The following PBLD variants were observed in gnomAD, a reference collection of about 807,000 sequenced individuals.
The protein encoded by PBLD is phenazine biosynthesis-like domain-containing protein.
A neutral mutation model predicts 31.3 loss-of-function variants in PBLD; 26 were observed. The ratio of observed to expected loss-of-function variants is 0.83; its 90% CI spans 0.61 to 1.15. PBLD has a LOEUF of 1.15. Among genes scored for constraint, PBLD ranks in the 50% most tolerant of loss-of-function variants. The pLI is 0.00. For synonymous variants in PBLD, 114 were observed against 129.0 expected, an observed-to-expected ratio of 0.88 and a Z score of 0.79; for missense variants, 307 against 351.7, an observed-to-expected ratio of 0.87 and a Z score of 1.02.
At chr10:68,294,720 C>T (rs1358501276) in intron 4 of PBLD, among the ~76,000 whole-genome samples, 1 of 152,148 alleles carries the variant, frequency 6.6e-6, no homozygotes, top group Non-Finnish European at 1.5e-5. Flanking sequence ...TCTATTCAAT[C>T]CTACTTTCTT....
intron 1 of PBLD, among the ~76,000 whole-genome samples, chr10:68,318,694 T>A: frequency 6.6e-6 from 1 of 152,140 alleles, no homozygotes; most frequent in Non-Finnish European, 1.5e-5. Flanking sequence ...TTTCTGTTAA[T>A]CTAAACTAGA....
Position 68,288,840 on chromosome 10 carries a change from TTGAC to T in PBLD, c.512+87_512+90del, listed in dbSNP as rs2044320476. On this transcript the variant is annotated intron_variant, in intron 7 of 9. Coordinates refer to ENST00000358769, the MANE Select transcript of PBLD (RefSeq NM_022129.4). ...ACACTCTGGCTGCGTAAATCATGGT[TTGAC>T]TGGACACAGCACAGCCAGACTAAGG... 8 of 1,367,382 alleles carry T rather than the reference TTGAC, an allele frequency of 5.9e-6. No individual in the cohort carries two copies. The Admixed American group carries it at 1.1e-4, about 18-fold the overall frequency. The allele number at this position is 1,367,382 out of a possible 1,614,324, so 84.7% of individuals were successfully genotyped here. A position where few individuals can be genotyped will look rare whatever the true frequency, so the allele number is the denominator to read the frequency against.
chr10:68,292,118 A>G lies in PBLD; in HGVS notation c.393+11T>C, dbSNP rs767856291. The G allele has an allele frequency of 1.2e-6, 2 of 1,610,440 alleles. No homozygotes were observed. Among genetic ancestry groups the G allele is most frequent in the East Asian group, 2.2e-5 (1 of 44,840 alleles). On this transcript the variant is annotated intron_variant, in intron 5 of 9. Coordinates refer to ENST00000358769, the MANE Select transcript of PBLD (RefSeq NM_022129.4). Reference sequence around the variant, plus strand: ...GTAGATGGCTTAGGGCAATAATTACAAAGAGCTGACCTGGGGGTGGGCTGG... The same window carrying G: ...GTAGATGGCTTAGGGCAATAATTACGAAGAGCTGACCTGGGGGTGGGCTGG...
At chr10:68,324,144 G>C (rs555461277) in intron 1 of PBLD, among the ~76,000 whole-genome samples, 2 of 150,718 alleles carry the variant, frequency 1.3e-5, no homozygotes, top group African/African-American at 4.9e-5. Context: ...CTGATAAATA[G>C]CTCCTAATTT....
intron 1 of PBLD, among the ~76,000 whole-genome samples, chr10:68,326,883 C>G (rs536454180): frequency 1.3e-5 from 2 of 152,212 alleles, no homozygotes; most frequent in Admixed American, 6.5e-5. Flanking sequence ...CCCATCTCTA[C>G]CAAAAACACA....
At chr10:68,309,541 G>A (rs1460139800) in intron 1 of PBLD, among the ~76,000 whole-genome samples, 2 of 149,744 alleles carry the variant, frequency 1.3e-5, no homozygotes, top group Admixed American at 6.8e-5. Flanking sequence ...CAGGTGTGGT[G>A]GCTCACGTCT....
intron 1 of PBLD, among the ~76,000 whole-genome samples, chr10:68,319,053 G>GAGAGAGAAAGAAAGAAAGAA (rs1431193816): frequency 5.1e-5 from 5 of 98,836 alleles, no homozygotes; most frequent in Admixed American, 2.5e-4. Context: ...AAGAAAGAGA[G>GAGAGAGAAAGAAAGAAAGAA]AGAAAGAAAG....
chr10:68,327,648 TG>T (rs1254856981), intron 1 of PBLD, among the ~76,000 whole-genome samples: 2 of 120,004 alleles, frequency 1.7e-5, no homozygotes, highest in African/African-American at 6.6e-5. Context: ...CACTCCAGCC[TG>T]GGCGACAAAG....
intron 1 of PBLD, among the ~76,000 whole-genome samples, 182 bp from the exon 2 acceptor site, chr10:68,307,085 G>T (rs1011024441): frequency 1.3e-5 from 2 of 152,098 alleles, no homozygotes; most frequent in African/African-American, 4.8e-5. Context: ...CGGGAGTGCA[G>T]TGGCACCGAT....
At chr10:68,310,318 A>G (rs956241929) in intron 1 of PBLD, among the ~76,000 whole-genome samples, 2 of 148,790 alleles carry the variant, frequency 1.3e-5, no homozygotes, top group Middle Eastern at 3.4e-3. Flanking sequence ...GTTTCTTTTA[A>G]TTGACAGATA....
At position 68,288,592 on chromosome 10, in the gene PBLD, T is replaced by C; in HGVS notation, c.582A>G (p.Lys194=). 6.2e-7 allele frequency: 1 copy of C among 1,614,206 alleles called. No individual in the cohort carries two copies. Among genetic ancestry groups the C allele is most frequent in the East Asian group, 2.2e-5 (1 of 44,884 alleles). The change falls in exon 8 of 10, where the codon AAA becomes AAG. Residue 194 remains lysine (K), a synonymous_variant. Transcript: ENST00000358769. ...LLQVENTGKV[K]GLILTLKGEP... ...CTCCTTTAAGGGTAAGAATAAGCCC[T>C]TTCACCTTCCCTGTGTTTTCAACTT...
intron 1 of PBLD, among the ~76,000 whole-genome samples, chr10:68,324,156 C>CT (rs200031349): frequency 0.11 from 16,762 of 146,118 alleles, 1,642 homozygotes; most frequent in African/African-American, 0.26. Flanking sequence ...TCCTAATTTT[C>CT]TTTTTTTTTT....
At chr10:68,309,233 C>CT (rs2044626480) in intron 1 of PBLD, among the ~76,000 whole-genome samples, 1 of 148,798 alleles carries the variant, frequency 6.7e-6, no homozygotes, top group African/African-American at 2.5e-5. Context: ...TGGTGAAACC[C>CT]ATCTCTACCA....
chr10:68,319,696 G>A (rs955081260), intron 1 of PBLD, among the ~76,000 whole-genome samples: 2 of 151,774 alleles, frequency 1.3e-5, no homozygotes, highest in Non-Finnish European at 2.9e-5. Flanking sequence ...ACTCCGGCCA[G>A]GGCGACAGAC....
At chr10:68,303,481 T>A (rs558131190) in intron 2 of PBLD, among the ~76,000 whole-genome samples, 1 of 151,584 alleles carries the variant, frequency 6.6e-6, no homozygotes, top group African/African-American at 2.4e-5. Context: ...TTATATGTTG[T>A]CATGTGAAAA....
chr10:68,307,656 C>A (rs1044769053), intron 1 of PBLD, among the ~76,000 whole-genome samples: 11 of 152,024 alleles, frequency 7.2e-5, no homozygotes, highest in Admixed American at 1.3e-4. Context: ...CCCGCCACTG[C>A]GCCCGGCTAA....
chr10:68,315,869 A>C (rs1041429186), intron 1 of PBLD, among the ~76,000 whole-genome samples: 3 of 152,200 alleles, frequency 2.0e-5, no homozygotes, highest in African/African-American at 7.2e-5. Flanking sequence ...AACGTAAGAA[A>C]ATCTCTGTCT....
rs549304545 is a variant in PBLD, at chr10:68,311,895, G to A, written c.-59-4992C>T. 2.2e-4 allele frequency among the ~76,000 whole-genome samples: 33 copies of A among 152,340 alleles called. 1 individual carries two copies. In the East Asian group the frequency reaches 4.4e-3, roughly 21 times the overall value. On this transcript the variant is annotated intron_variant, in intron 1 of 9. Transcript: ENST00000358769. ...CATAATCGTGTGGCTGGCTGGGAGT[G>A]CAGCTGGCTGCCACTGTCCAGCATT...
chr10:68,324,312 G>C (rs2044880970), intron 1 of PBLD, among the ~76,000 whole-genome samples: 1 of 151,986 alleles, frequency 6.6e-6, no homozygotes, highest in Non-Finnish European at 1.5e-5. Context: ...AAGTAGCTGG[G>C]ACTACAGGTG....
Sources: allele counts gnomAD v4.1 joint callset (sites outside exome capture counted in the v4.1 genomes callset), GRCh38; gene constraint gnomAD v4.1.1; transcripts MANE v1.5; gene names NCBI Gene and HGNC (gene_info 2026-07-23, HGNC 2026-07-21).